Variants in FREM1 observed in about 807,000 individuals in gnomAD.
FREM1 encodes the protein FRAS1 related extracellular matrix 1, also known as FRAS1-related extracellular matrix protein 1.
FREM1 carries 220 observed loss-of-function variants against 210.1 expected under a neutral mutation model. The ratio of observed to expected loss-of-function variants is 1.05; its 90% CI spans 0.94 to 1.17. The LOEUF (loss-of-function observed/expected upper bound fraction) is 1.17. FREM1 is among the 50% of genes most tolerant of loss of function. FREM1 has a pLI of 0.00. For synonymous variants in FREM1, 1,189 were observed against 980.2 expected (o/e 1.21, Z -3.98); for missense variants, 3,454 against 2,675.5 (o/e 1.29, Z -6.42).
At chr9:14,842,893 C>T (rs1825938126) in intron 8 of FREM1, among the ~76,000 whole-genome samples, 1 of 152,158 alleles carries the variant, frequency 6.6e-6, no homozygotes, top group African/African-American at 2.4e-5. Flanking sequence ...ATTTATGAAA[C>T]TCATCTATAA....
chr9:14,899,983 G>A (rs778127133), intron 1 of FREM1, among the ~76,000 whole-genome samples: 16 of 152,146 alleles, frequency 1.1e-4, no homozygotes, highest in African/African-American at 7.2e-5. Flanking sequence ...TAACGTGAAC[G>A]GTGTTCCTGG....
chr9:14,861,145 A>G lies in FREM1; in HGVS notation c.330-1661T>C, dbSNP rs561344357. Among the ~76,000 whole-genome samples the G allele has an allele frequency of 7.3e-5, 8 of 109,800 alleles. 2 individuals carry two copies. The highest frequency in any genetic ancestry group is 1.4e-4 in the Non-Finnish European group (8 of 56,396). The allele number at this position is 109,800 out of a possible 152,430, so 72.0% of individuals were successfully genotyped here. A position where few individuals can be genotyped will look rare whatever the true frequency, so the allele number is the denominator to read the frequency against. On this transcript the variant is annotated intron_variant, in intron 3 of 36. Coordinates refer to ENST00000380880, the MANE Select transcript of FREM1 (RefSeq NM_001379081.2). The stretch of plus-strand genomic sequence containing the variant: ...CATATATACACATATATACATATAT[A>G]CACATATATACGTATATACACATGT...
At chr9:14,812,779 C>T (rs1266016179) in intron 16 of FREM1, 33 bp downstream of exon 16, 2 of 1,569,566 alleles carry the variant, frequency 1.3e-6, no homozygotes, top group Non-Finnish European at 1.7e-6. Context: ...ATGTTGCTTG[C>T]ATTCCCTCAC....
intron 1 of FREM1, among the ~76,000 whole-genome samples, chr9:14,894,268 T>C (rs1275955938): frequency 6.6e-6 from 1 of 152,246 alleles, no homozygotes; most frequent in African/African-American, 2.4e-5. Flanking sequence ...TCAGCATATG[T>C]TATTAATGGC....
intron 36 of FREM1, among the ~76,000 whole-genome samples, chr9:14,739,485 A>C (rs1841095800): frequency 6.9e-6 from 1 of 145,552 alleles, no homozygotes; most frequent in Admixed American, 6.9e-5. Context: ...TAATTCATAT[A>C]TATATATTCA....
At chr9:14,869,896 C>G (rs376541738) in intron 1 of FREM1, among the ~76,000 whole-genome samples, 1 of 152,204 alleles carries the variant, frequency 6.6e-6, no homozygotes, top group Non-Finnish European at 1.5e-5. Context: ...CAGCTAATGA[C>G]ACAGCATATG....
In FREM1 at chr9:14,851,517, C is replaced by G. The variant is rs1827752729; in HGVS notation, c.919G>C (p.Val307Leu). Residue 307 changes from valine to leucine, a missense_variant, in exon 6 of 37, where the codon GTG becomes CTG. Physicochemically the swap from Val to Leu is conservative, Grantham distance 32. Transcript: ENST00000380880. ...AAFMAVFILEVDQFILTSLTT... is the reference protein window; with the variant it reads ...AAFMAVFILELDQFILTSLTT... ...AAGGAGGTCAGGATGAACTGATCCACTTCCAGAATAAACACGGCCATGAAT... is the reference window on the plus strand; with the variant it reads ...AAGGAGGTCAGGATGAACTGATCCAGTTCCAGAATAAACACGGCCATGAAT... 1 of 1,613,966 alleles carries G rather than the reference C, an allele frequency of 6.2e-7. No individual in the cohort carries two copies. The highest frequency in any genetic ancestry group is 8.5e-7 in the Non-Finnish European group (1 of 1,179,828).
intron 10 of FREM1, among the ~76,000 whole-genome samples, chr9:14,835,065 A>G (rs1377134787): frequency 6.6e-6 from 1 of 152,192 alleles, no homozygotes. Context: ...ATGGAGGGAG[A>G]ATCTACAGGA....
chr9:14,766,340 A>G (rs903044854), intron 27 of FREM1, among the ~76,000 whole-genome samples: 2 of 152,118 alleles, frequency 1.3e-5, no homozygotes, highest in Non-Finnish European at 2.9e-5. Flanking sequence ...CATTCCATGA[A>G]AAATTGGTTC....
intron 6 of FREM1, among the ~76,000 whole-genome samples, chr9:14,850,727 CA>C (rs997745903): frequency 2.0e-5 from 3 of 151,934 alleles, no homozygotes; most frequent in Non-Finnish European, 2.9e-5. Flanking sequence ...TTAAACACAC[CA>C]AAAAAATTTT....
At chr9:14,793,270 C>A (rs1851744784) in intron 21 of FREM1, among the ~76,000 whole-genome samples, 1 of 152,194 alleles carries the variant, frequency 6.6e-6, no homozygotes, top group Admixed American at 6.5e-5. Context: ...ATTTTACAGA[C>A]AGAAACTCAA....
rs559188527 is a variant in FREM1, at chr9:14,836,261, A to C, written c.1881+5186T>G. ...TATACACGGTAGCACCTTCAAACTA[A>C]AATATTGGACAGAGAGTTTTCATTG... On this transcript the variant is annotated intron_variant, in intron 10 of 36. Coordinates refer to ENST00000380880, the MANE Select transcript of FREM1 (RefSeq NM_001379081.2). The surrounding 1 kb of genome is among the most constrained non-coding windows in gnomAD (Gnocchi z 4.9). 1.2e-4 allele frequency among the ~76,000 whole-genome samples: 18 copies of C among 152,222 alleles called. No individual in the cohort carries two copies.
At chr9:14,749,777 G>T (rs1333699728) in intron 30 of FREM1, among the ~76,000 whole-genome samples, 1 of 152,148 alleles carries the variant, frequency 6.6e-6, no homozygotes, top group African/African-American at 2.4e-5. Flanking sequence ...TAGGCATTAA[G>T]AGTGCTCTTT....
At chr9:14,762,755 A>ATTTTTTTT (rs34136678) in intron 27 of FREM1, among the ~76,000 whole-genome samples, 2 of 137,912 alleles carry the variant, frequency 1.5e-5, no homozygotes, top group Admixed American at 7.3e-5. Context: ...TTTGAATGTG[A>ATTTTTTTT]TTTTTTTTTT....
In FREM1 at chr9:14,823,274, A is replaced by C. The variant is rs770962694; in HGVS notation, c.2223T>G (p.Gly741=). The change falls in exon 13 of 37, where the codon GGT becomes GGG. Residue 741 remains glycine (G), a synonymous_variant. Coordinates refer to ENST00000380880, the MANE Select transcript of FREM1 (RefSeq NM_001379081.2). The part of the protein sequence containing the change: ...VAYMPPMQDI[G]PHCRDVQFTF... ...TGAACTGGACATCTCTGCAATGGGG[A>C]CCAATGTCTTGCATGGGGGGCATGT... 7.4e-6 allele frequency: 12 copies of C among 1,613,836 alleles called. No individual in the cohort carries two copies. The highest frequency in any genetic ancestry group is 9.3e-6 in the Non-Finnish European group (11 of 1,179,850).
intron 15 of FREM1, among the ~76,000 whole-genome samples, chr9:14,816,093 C>T (rs780373338): frequency 6.6e-6 from 1 of 152,062 alleles, no homozygotes; most frequent in Non-Finnish European, 1.5e-5. Flanking sequence ...CAGGAAAACC[C>T]CAGTGATACT....
At chr9:14,905,498 G>A (rs1588688442) in intron 1 of FREM1, among the ~76,000 whole-genome samples, 1 of 152,210 alleles carries the variant, frequency 6.6e-6, no homozygotes, top group South Asian at 2.1e-4. Flanking sequence ...AGTAAAAAAT[G>A]AAGACAGAAT....
At chr9:14,910,980 G>C (rs1395597419), upstream of FREM1, 1 of 152,148 alleles carries the variant, frequency 6.6e-6, no homozygotes, top group Non-Finnish European at 1.5e-5. Flanking sequence ...TCTTCCATTT[G>C]TAAGGCTTTT....
At chr9:14,855,723 A>C (rs1828610150) in intron 5 of FREM1, among the ~76,000 whole-genome samples, 1 of 152,150 alleles carries the variant, frequency 6.6e-6, no homozygotes, top group Non-Finnish European at 1.5e-5. Context: ...ATGACATGCC[A>C]AATAAGCTAT....
Sources: allele counts gnomAD v4.1 joint callset (sites outside exome capture counted in the v4.1 genomes callset), GRCh38; gene constraint gnomAD v4.1.1; non-coding constraint Gnocchi (gnomAD v3.1); transcripts MANE v1.5; gene names NCBI Gene and HGNC (gene_info 2026-07-23, HGNC 2026-07-21).